MPPED1: variants seen among roughly 807,000 people sequenced by gnomAD.
MPPED1 encodes metallophosphoesterase domain containing 1, also known as metallophosphoesterase domain-containing protein 1.
MPPED1 carries 16 observed loss-of-function variants against 36.2 expected under a neutral mutation model. The ratio of observed to expected loss-of-function variants is 0.44; its 90% CI spans 0.30 to 0.67. The LOEUF (loss-of-function observed/expected upper bound fraction) is 0.67. Ranked by LOEUF, MPPED1 falls within the 30% of genes least tolerant of loss-of-function variation. MPPED1 has a pLI of 0.10. For missense variants in MPPED1, 307 were observed against 453.4 expected, an observed-to-expected ratio of 0.68 and a Z score of 2.93; for synonymous variants, 199 against 191.3, an observed-to-expected ratio of 1.04 and a Z score of -0.33.
At chr22:43,495,058 T>C (rs1223696924) in intron 4 of MPPED1, among the ~76,000 whole-genome samples, 2 of 152,154 alleles carry the variant, frequency 1.3e-5, no homozygotes, top group East Asian at 3.9e-4. Flanking sequence ...TTTCAAAATA[T>C]TAATTTTGGG....
At position 43,425,012 on chromosome 22, in the gene MPPED1, C is replaced by G. The variant is rs756344638; in HGVS notation, c.27C>G (p.Ser9Arg). 4.4e-6 allele frequency: 7 copies of G among 1,606,070 alleles called. No homozygotes were observed. The highest frequency in any genetic ancestry group is 5.9e-6 in the Non-Finnish European group (7 of 1,176,866). The change falls in exon 2 of 7, where the codon AGC (serine) becomes AGG (arginine). Residue 9 changes from serine (S) to arginine (R), a missense_variant. By Grantham distance (110) the Ser-to-Arg change is moderately radical. Transcript: ENST00000443721. MWRSRWDA[S>R]VLKAEALALL... is the part of the protein sequence containing the mutation. ...TGTGGCGCTCTAGGTGGGATGCCAGCGTCCTGAAGGCGGAGGCCCTGGCCC... is the reference window on the plus strand; with the variant it reads ...TGTGGCGCTCTAGGTGGGATGCCAGGGTCCTGAAGGCGGAGGCCCTGGCCC...
rs11423062 is a variant in MPPED1, at chr22:43,450,723, C to CTT, written c.406+15516_406+15517dup. On this transcript the variant is annotated intron_variant, in intron 3 of 6. Coordinates refer to ENST00000443721, the MANE Select transcript of MPPED1 (RefSeq NM_001044370.2). ...AGTAGATGGCTCAGTTGATGGTAGA[C>CTT]TTTTTTTTTCTTTCTTTTTTGAGTC... 7.7e-3 allele frequency among the ~76,000 whole-genome samples: 1,159 copies of CTT among 151,408 alleles called. 8 individuals carry two copies. The highest frequency in any genetic ancestry group is 0.051 in the East Asian group (261 of 5,136).
At position 43,461,848 on chromosome 22, in the gene MPPED1, T is replaced by C. The variant is rs1318317495; in HGVS notation, c.407-12888T>C. On this transcript the variant is annotated intron_variant, in intron 3 of 6. Coordinates refer to ENST00000443721, the MANE Select transcript of MPPED1 (RefSeq NM_001044370.2). ...CAGTTGTGGAGTTCATTAACTTTATTAGCCTCGATTTCTTCATCTGCCAAA... is the reference window on the plus strand; with the variant it reads ...CAGTTGTGGAGTTCATTAACTTTATCAGCCTCGATTTCTTCATCTGCCAAA... Among the ~76,000 whole-genome samples, 4 of 152,214 alleles carry C rather than the reference T, an allele frequency of 2.6e-5. No homozygotes were observed. In the East Asian group the frequency reaches 7.7e-4, roughly 29 times the overall value.
At chr22:43,418,244 A>ATGTGAAC (rs1229790010) in intron 1 of MPPED1, 12 of 442,332 alleles carry the variant, frequency 2.7e-5, no homozygotes, top group Non-Finnish European at 4.6e-5. Context: ...GGGACAGCAG[A>ATGTGAAC]TGTGAACTGG....
chr22:43,416,905 G>A (rs886392714), intron 1 of MPPED1: 3 of 828,100 alleles, frequency 3.6e-6, no homozygotes, highest in African/African-American at 3.7e-5. Context: ...TGTGCAATGG[G>A]AATGGAGAAT....
chr22:43,493,543 T>C (rs1474050488), intron 4 of MPPED1, among the ~76,000 whole-genome samples: 1 of 152,176 alleles, frequency 6.6e-6, no homozygotes, highest in Non-Finnish European at 1.5e-5. Context: ...TGAGGCACCC[T>C]GTTGGGGGCC....
intron 2 of MPPED1, among the ~76,000 whole-genome samples, chr22:43,432,461 AGAG>A (rs1929740524): frequency 8.8e-6 from 1 of 113,540 alleles, no homozygotes; most frequent in Non-Finnish European, 1.8e-5. Flanking sequence ...AGAGATAAAG[AGAG>A]GAGAGAGAGA....
chr22:43,486,792 G>A (rs1241270460), intron 4 of MPPED1, among the ~76,000 whole-genome samples: 1 of 152,206 alleles, frequency 6.6e-6, no homozygotes, highest in Non-Finnish European at 1.5e-5. Flanking sequence ...ATGCAGCAGA[G>A]GGGTGTGAGC....
rs1931476723 is a variant in MPPED1, at chr22:43,474,428, A to T, written c.407-308A>T. 6.6e-6 allele frequency among the ~76,000 whole-genome samples: 1 copy of T among 152,166 alleles called. No individual in the cohort carries two copies. Among genetic ancestry groups the T allele is most frequent in the African/African-American group, 2.4e-5 (1 of 41,444 alleles). On this transcript the variant is annotated intron_variant, in intron 3 of 6. Coordinates refer to ENST00000443721, the MANE Select transcript of MPPED1 (RefSeq NM_001044370.2). The surrounding 1 kb of genome is among the most constrained non-coding windows in gnomAD (Gnocchi z 5.2). ...CTGCCTCCTTTGATCTGATGAAGAC[A>T]CCTGTTGGGGGCCTGGCAGCAGGTA...
intron 4 of MPPED1, among the ~76,000 whole-genome samples, chr22:43,488,090 T>G (rs1931968022): frequency 6.6e-6 from 1 of 151,938 alleles, no homozygotes; most frequent in African/African-American, 2.4e-5. Flanking sequence ...CTGCCTCTCT[T>G]GGGGGGGTGT....
intron 3 of MPPED1, among the ~76,000 whole-genome samples, chr22:43,454,253 C>T (rs1164366602): frequency 2.0e-5 from 3 of 152,042 alleles, no homozygotes; most frequent in Non-Finnish European, 2.9e-5. Context: ...AGGTGATCCG[C>T]CCTCCTTGGC....
chr22:43,505,565 G>A lies in MPPED1; in HGVS notation c.930G>A (p.Gln310=), dbSNP rs746758431. 1.4e-5 allele frequency: 22 copies of A among 1,612,854 alleles called. No individual in the cohort carries two copies. In the East Asian group the frequency reaches 1.6e-4, roughly 11 times the overall value. The change falls in exon 7 of 7, where the codon CAG becomes CAA. Residue 310 remains glutamine, a synonymous_variant. Coordinates refer to ENST00000443721, the MANE Select transcript of MPPED1 (RefSeq NM_001044370.2). ...VNASVCTVNY[Q]PVNPPIVIDL... The stretch of plus-strand genomic sequence containing the variant: ...CGTCCGTATGCACTGTGAACTACCA[G>A]CCCGTGAACCCGCCCATAGTCATCG...
intron 4 of MPPED1, among the ~76,000 whole-genome samples, chr22:43,483,344 C>T (rs528048450): frequency 1.3e-5 from 2 of 152,254 alleles, no homozygotes; most frequent in Non-Finnish European, 2.9e-5. Context: ...GCTGTCACTG[C>T]AGATGGGTGA....
rs1235309893 is a variant in MPPED1, at chr22:43,505,654, G to C, written c.*38G>C. On this transcript the variant is annotated 3_prime_UTR_variant, in exon 7 of 7. Transcript: ENST00000443721. ...GCCCCTGCCCTGCCCGCCCGTGTCA[G>C]CTCCACAGGCCTGGCCCGGCCACTG... The C allele has an allele frequency of 2.6e-6, 4 of 1,543,086 alleles. No individual in the cohort carries two copies. Among genetic ancestry groups the C allele is most frequent in the Non-Finnish European group, 3.5e-6 (4 of 1,132,584 alleles).
At chr22:43,425,955 C>T (rs1398651288) in intron 2 of MPPED1, among the ~76,000 whole-genome samples, 2 of 152,170 alleles carry the variant, frequency 1.3e-5, no homozygotes, top group South Asian at 4.1e-4. Context: ...CTGGATTTCC[C>T]GAGGACCTGG....
At chr22:43,451,904 T>C (rs1569074688) in intron 3 of MPPED1, among the ~76,000 whole-genome samples, 1 of 152,236 alleles carries the variant, frequency 6.6e-6, no homozygotes, top group Non-Finnish European at 1.5e-5. Context: ...ATGCCTTTCT[T>C]GTGTGGGCTG....
chr22:43,426,708 C>T (rs1342568505), intron 2 of MPPED1, among the ~76,000 whole-genome samples: 2 of 152,210 alleles, frequency 1.3e-5, no homozygotes, highest in African/African-American at 4.8e-5. Flanking sequence ...CTCTGCAGGG[C>T]AGCAGGCTCC....
At chr22:43,422,899 C>T (rs996673730) in intron 1 of MPPED1, among the ~76,000 whole-genome samples, 38 of 152,260 alleles carry the variant, frequency 2.5e-4, no homozygotes, top group African/African-American at 9.1e-4. Flanking sequence ...TGCAGTGGCG[C>T]TGTCTCGGCT....
intron 2 of MPPED1, among the ~76,000 whole-genome samples, chr22:43,426,473 A>G (rs576280926): frequency 8.5e-5 from 13 of 152,092 alleles, no homozygotes; most frequent in Non-Finnish European, 1.8e-4. Flanking sequence ...TGGTGCCCCA[A>G]AAAGGGTCCA....
Sources: gnomAD v4.1 joint callset for allele counts (sites outside exome capture counted in the v4.1 genomes callset) on GRCh38, gnomAD v4.1.1 for gene constraint, Gnocchi (gnomAD v3.1) non-coding constraint, MANE v1.5 for transcripts, NCBI Gene and HGNC (gene_info 2026-07-23, HGNC 2026-07-21) for gene names.